PLXDC1: variants seen among roughly 807,000 people sequenced by gnomAD.
PLXDC1 encodes plexin domain containing 1.
A neutral mutation model predicts 61.3 loss-of-function variants in PLXDC1; 39 were observed. The observed-to-expected ratio is 0.64, with a 90% CI of 0.49 to 0.83. The LOEUF is 0.83. Ranked by LOEUF, PLXDC1 falls within the 40% of genes least tolerant of loss-of-function variation. PLXDC1 has a pLI of 0.00. For missense variants in PLXDC1, 596 were observed against 666.5 expected, an observed-to-expected ratio of 0.89 and a Z score of 1.17; for synonymous variants, 212 against 254.5, an observed-to-expected ratio of 0.83 and a Z score of 1.59.
chr17:39,092,413 C>T (rs11653174), intron 7 of PLXDC1, among the ~76,000 whole-genome samples: 25 of 152,284 alleles, frequency 1.6e-4, no homozygotes, highest in Non-Finnish European at 3.2e-4. Context: ...ATTAAGTAGA[C>T]GGAAAACATC....
chr17:39,096,093 C>T (rs532357803), intron 7 of PLXDC1, among the ~76,000 whole-genome samples: 2 of 152,286 alleles, frequency 1.3e-5, no homozygotes, highest in African/African-American at 4.8e-5. Context: ...TCCACAAACT[C>T]CCACCTGGAA....
chr17:39,089,596 G>T (rs1040978641), intron 7 of PLXDC1, among the ~76,000 whole-genome samples: 1 of 152,110 alleles, frequency 6.6e-6, no homozygotes, highest in African/African-American at 2.4e-5. Flanking sequence ...TTGGGTTTTC[G>T]TCACTAGAAG....
chr17:39,103,615 G>A (rs1281210646), intron 7 of PLXDC1, among the ~76,000 whole-genome samples: 1 of 151,966 alleles, frequency 6.6e-6, no homozygotes, highest in African/African-American at 2.4e-5. Flanking sequence ...GGAGACCGAG[G>A]CAGGCAGATC....
intron 7 of PLXDC1, among the ~76,000 whole-genome samples, chr17:39,101,741 G>T (rs1329343917): frequency 6.6e-6 from 1 of 152,162 alleles, no homozygotes; most frequent in African/African-American, 2.4e-5. Context: ...CCAAGTAGAA[G>T]CAGCAAAAAC....
intron 1 of PLXDC1, among the ~76,000 whole-genome samples, chr17:39,145,295 G>A (rs934267637): frequency 6.6e-5 from 10 of 152,122 alleles, no homozygotes; most frequent in African/African-American, 2.4e-4. Context: ...TAGCGTCCCA[G>A]TCCCCTCAGC....
At chr17:39,109,456 C>G in intron 2 of PLXDC1, 65 bp from the exon 3 acceptor site, 1 of 1,520,258 alleles carries the variant, frequency 6.6e-7, no homozygotes, top group Non-Finnish European at 8.9e-7. Flanking sequence ...ACTGACTCTC[C>G]GCCCTTCCCC....
chr17:39,096,978 G>A (rs771545103), intron 7 of PLXDC1: 27 of 471,146 alleles, frequency 5.7e-5, no homozygotes, highest in African/African-American at 8.0e-5. Context: ...AAAAGCCTGC[G>A]GAAGAGTTTA....
chr17:39,110,716 CCAGCCGGCCCT>C (rs1910767629), intron 2 of PLXDC1, among the ~76,000 whole-genome samples: 1 of 152,240 alleles, frequency 6.6e-6, no homozygotes, highest in African/African-American at 2.4e-5. Context: ...TGCCAGCTGC[CCAGCCGGCCCT>C]TGCCCTGGGC....
At chr17:39,090,258 G>A (rs569850716) in intron 7 of PLXDC1, among the ~76,000 whole-genome samples, 2 of 152,304 alleles carry the variant, frequency 1.3e-5, no homozygotes, top group South Asian at 4.1e-4. Flanking sequence ...ACCTTGGAAT[G>A]TCATTCCATG....
intron 2 of PLXDC1, among the ~76,000 whole-genome samples, chr17:39,128,107 A>ATACATATATATATGTG (rs1911387079): frequency 6.0e-5 from 6 of 100,628 alleles, no homozygotes; most frequent in Admixed American, 1.9e-4. Flanking sequence ...GTATATATAT[A>ATACATATATATATGTG]TATATATGTA....
chr17:39,134,454 C>T lies in PLXDC1; in HGVS notation c.255+5200G>A, dbSNP rs187805103. ...CAGCCTGGGCAACACAGTGAAAGCC[C>T]GTCTCTACTGAAATACAAAAAATTA... On this transcript the variant is annotated intron_variant, in intron 2 of 13. Transcript: ENST00000315392. Among the ~76,000 whole-genome samples the T allele has an allele frequency of 3.5e-4, 53 of 150,446 alleles. 1 individual carries two copies. The highest frequency in any genetic ancestry group is 2.7e-3 in the Admixed American group (41 of 15,096).
intron 7 of PLXDC1, among the ~76,000 whole-genome samples, chr17:39,088,751 G>A (rs1909833617): frequency 1.3e-5 from 2 of 151,780 alleles, no homozygotes; most frequent in African/African-American, 4.8e-5. Flanking sequence ...GACCAGCCTG[G>A]CCAACAGGGT....
chr17:39,124,348 T>C (rs765549873), intron 2 of PLXDC1, among the ~76,000 whole-genome samples: 9 of 152,230 alleles, frequency 5.9e-5, no homozygotes, highest in Non-Finnish European at 1.0e-4. Flanking sequence ...ATCCCAATAC[T>C]ATGAGAGGCA....
In PLXDC1 at chr17:39,115,662, G is replaced by A. The variant is rs973524411; in HGVS notation, c.256-6271C>T. Among the ~76,000 whole-genome samples, 45 of 152,214 alleles carry A rather than the reference G, an allele frequency of 3.0e-4. 1 individual carries two copies. The highest frequency in any genetic ancestry group is 2.0e-3 in the Admixed American group (31 of 15,276). On this transcript the variant is annotated intron_variant, in intron 2 of 13. Transcript: ENST00000315392. ...AGAGCCAAGCACAAAGCCTGCAGGG[G>A]AGCATTTGGGAGCGTGGGAGGAAGG...
At chr17:39,142,441 G>A (rs1911964637) in intron 1 of PLXDC1, among the ~76,000 whole-genome samples, 1 of 152,174 alleles carries the variant, frequency 6.6e-6, no homozygotes, top group Non-Finnish European at 1.5e-5. Context: ...GCCATTTCGC[G>A]GCCATGCGAA....
At chr17:39,072,643 C>T in intron 11 of PLXDC1, 158 bp from the exon 12 acceptor site, 1 of 661,130 alleles carries the variant, frequency 1.5e-6, no homozygotes, top group Non-Finnish European at 2.8e-6. Flanking sequence ...AGTCACACAG[C>T]AGTTGAGTGT....
chr17:39,079,442 C>G, intron 9 of PLXDC1: 1 of 529,316 alleles, frequency 1.9e-6, no homozygotes, highest in Non-Finnish European at 3.6e-6. Context: ...CAGTGATCCT[C>G]AAGGTCGCCT....
At position 39,067,692 on chromosome 17, in the gene PLXDC1, C is replaced by T. The variant is rs993943523; in HGVS notation, c.*148G>A. ...CTCTTCAATATTCGGGGTGTGCTGA[C>T]GAAGCGAGCAGCAGCTCTGGAGCCA... On this transcript the variant is annotated 3_prime_UTR_variant, in exon 14 of 14. Transcript: ENST00000315392. 3.2e-5 allele frequency: 24 copies of T among 742,074 alleles called. No homozygotes were observed. The highest frequency in any genetic ancestry group is 1.1e-4 in the South Asian group (5 of 47,186). The allele number at this position is 742,074 out of a possible 1,614,324, so 46.0% of individuals were successfully genotyped here. A position where few individuals can be genotyped will look rare whatever the true frequency, so the allele number is the denominator to read the frequency against.
chr17:39,139,291 G>A (rs1007562700), intron 2 of PLXDC1, among the ~76,000 whole-genome samples: 3 of 152,222 alleles, frequency 2.0e-5, no homozygotes, highest in Non-Finnish European at 2.9e-5. Context: ...GGGTGGGGAA[G>A]GGCCCCATCT....
Sources: gnomAD v4.1 joint callset for allele counts (sites outside exome capture counted in the v4.1 genomes callset) on GRCh38, gnomAD v4.1.1 for gene constraint, MANE v1.5 for transcripts, NCBI Gene and HGNC (gene_info 2026-07-23, HGNC 2026-07-21) for gene names.